ATRX: variants seen among roughly 807,000 people sequenced by gnomAD.
The protein encoded by ATRX is chromatin remodeler ATRX.
ATRX carries 12 observed loss-of-function variants against 172.6 expected under a neutral mutation model. The observed-to-expected ratio is 0.07, with a 90% confidence interval of 0.04 to 0.11. The LOEUF (loss-of-function observed/expected upper bound fraction) is 0.11, where lower values mean the gene tolerates loss of function less well. Among genes scored for constraint, ATRX ranks in the 10% least tolerant of loss-of-function variants. ATRX has a pLI of 1.00. For missense variants in ATRX, 1,368 were observed against 1,767.4 expected (o/e 0.77, Z 4.05); for synonymous variants, 674 against 594.7 (o/e 1.13, Z -1.94).
intron 30 of ATRX, among the ~76,000 whole-genome samples, chrX:77,551,298 C>T (rs1416698385): frequency 4.2e-4 from 47 of 111,292 alleles, no homozygotes; most frequent in African/African-American, 1.4e-3. Flanking sequence ...ATAGAGCCCT[C>T]GGAAACAATA....
intron 27 of ATRX, among the ~76,000 whole-genome samples, chrX:77,583,069 G>A (rs1359296679): frequency 8.9e-6 from 1 of 111,809 alleles, no homozygotes; most frequent in Non-Finnish European, 1.9e-5. Flanking sequence ...TATCACTGGT[G>A]AATACTAATG....
At chrX:77,588,284 G>C (rs1303717762) in intron 27 of ATRX, among the ~76,000 whole-genome samples, 1 of 112,082 alleles carries the variant, frequency 8.9e-6, no homozygotes, top group African/African-American at 3.2e-5. Context: ...ACTCAAAATG[G>C]ATCAAAGACC....
intron 28 of ATRX, among the ~76,000 whole-genome samples, chrX:77,560,773 T>C (rs1557061577): frequency 9.0e-6 from 1 of 111,610 alleles, no homozygotes; most frequent in Non-Finnish European, 1.9e-5. Flanking sequence ...ACTAAATTCA[T>C]GTTTTATGTC....
At chrX:77,588,158 CA>C in intron 27 of ATRX, among the ~76,000 whole-genome samples, 1 of 112,104 alleles carries the variant, frequency 8.9e-6, no homozygotes. Context: ...ATAAGAGTGA[CA>C]AAAACTATTC....
chrX:77,778,164 A>G (rs1274707064), intron 1 of ATRX, among the ~76,000 whole-genome samples: 2 of 109,332 alleles, frequency 1.8e-5, no homozygotes, highest in African/African-American at 6.7e-5. Context: ...ACTTTTGACA[A>G]TTCTGAACTA....
intron 34 of ATRX, among the ~76,000 whole-genome samples, chrX:77,510,097 G>A (rs1376992745): frequency 8.9e-6 from 1 of 111,833 alleles, no homozygotes; most frequent in Non-Finnish European, 1.9e-5. Context: ...TGAATATCAC[G>A]TCAGCCACAG....
At chrX:77,695,049 TAAC>T (rs2072112402) in intron 5 of ATRX, among the ~76,000 whole-genome samples, 2 of 74,917 alleles carry the variant, frequency 2.7e-5, no homozygotes, top group Non-Finnish European at 5.2e-5. Flanking sequence ...GATTTTAAAT[TAAC>T]AACAACGACA....
chrX:77,514,921 T>C (rs1466434242), intron 34 of ATRX, among the ~76,000 whole-genome samples: 1 of 110,732 alleles, frequency 9.0e-6, no homozygotes, highest in Admixed American at 9.6e-5. Context: ...TAGAAGAAAA[T>C]AACAACCCCA....
At chrX:77,554,244 G>A (rs1228695732) in intron 30 of ATRX, among the ~76,000 whole-genome samples, 1 of 111,202 alleles carries the variant, frequency 9.0e-6, no homozygotes, top group Non-Finnish European at 1.9e-5. Context: ...GGCGGAGGCT[G>A]CAGTGAGCCG....
chrX:77,512,848 C>A (rs2062916611), intron 34 of ATRX, among the ~76,000 whole-genome samples: 1 of 111,003 alleles, frequency 9.0e-6, no homozygotes, highest in African/African-American at 3.3e-5. Context: ...CCAGCCTGGG[C>A]AACACAGTGA....
intron 22 of ATRX, among the ~76,000 whole-genome samples, chrX:77,604,431 T>A (rs1375960359): frequency 8.9e-6 from 1 of 111,959 alleles, no homozygotes; most frequent in African/African-American, 3.2e-5. Context: ...AAAATGCAAA[T>A]CAAAACCACA....
rs782480629 is a variant in ATRX, at chrX:77,545,015, G to GA, written c.6699+12435dup. 1.7e-4 allele frequency among the ~76,000 whole-genome samples: 19 copies of GA among 111,673 alleles called. No individual in the cohort carries two copies. The South Asian group carries it at 3.7e-3, about 22-fold the overall frequency. ...ACATTTATGCAGCCAAAAAACACAT[G>GA]AAAAAATGCTCATCATCACTGGCCA... On this transcript the variant is annotated intron_variant, in intron 30 of 34. Coordinates refer to ENST00000373344, the MANE Select transcript of ATRX (RefSeq NM_000489.6).
At chrX:77,514,530 G>C (rs1557038245) in intron 34 of ATRX, among the ~76,000 whole-genome samples, 1 of 112,032 alleles carries the variant, frequency 8.9e-6, no homozygotes, top group Admixed American at 9.4e-5. Context: ...TCAATAAACA[G>C]TGCTGGGGTA....
At chrX:77,687,945 G>T (rs1303798763) in intron 7 of ATRX, among the ~76,000 whole-genome samples, 1 of 111,513 alleles carries the variant, frequency 9.0e-6, no homozygotes, top group Non-Finnish European at 1.9e-5. Context: ...TAGGTAGGTA[G>T]GTAGTTACTG....
chrX:77,522,191 G>A (rs2147746075), intron 32 of ATRX, 72 bp downstream of exon 32: 1 of 1,169,010 alleles, frequency 8.6e-7, no homozygotes, highest in Non-Finnish European at 1.2e-6. Flanking sequence ...TCTGCATAGG[G>A]AACCCTCAAC....
intron 1 of ATRX, among the ~76,000 whole-genome samples, chrX:77,732,617 G>C (rs1308523710): frequency 2.7e-5 from 3 of 111,416 alleles, no homozygotes; most frequent in Non-Finnish European, 3.8e-5. Context: ...ATGCAAGAGG[G>C]GATCAATATA....
intron 1 of ATRX, among the ~76,000 whole-genome samples, chrX:77,742,721 C>T (rs1026611949): frequency 9.9e-5 from 11 of 111,572 alleles, no homozygotes; most frequent in Admixed American, 3.8e-4. Context: ...AGAAGTGATT[C>T]CCCAATATGG....
At chrX:77,678,768 C>A (rs1442972611) in intron 9 of ATRX, among the ~76,000 whole-genome samples, 1 of 110,774 alleles carries the variant, frequency 9.0e-6, no homozygotes, top group East Asian at 2.8e-4. Flanking sequence ...GGATTACAGG[C>A]CCCATTCTAG....
chrX:77,691,185 A>G (rs367710726), intron 6 of ATRX: 26 of 112,322 alleles, frequency 2.3e-4, no homozygotes, highest in African/African-American at 8.4e-4. Flanking sequence ...AAAAACATGC[A>G]CACACATGCA....
Sources: allele counts gnomAD v4.1 joint callset (sites outside exome capture counted in the v4.1 genomes callset), GRCh38; gene constraint gnomAD v4.1.1; transcripts MANE v1.5; gene names NCBI Gene and HGNC (gene_info 2026-07-23, HGNC 2026-07-21).